FGF14: variants seen among roughly 807,000 people sequenced by gnomAD.
FGF14 encodes the protein fibroblast growth factor homologous factor 4.
FGF14 carries 5 observed loss-of-function variants against 25.5 expected under a neutral mutation model. The ratio of observed to expected loss-of-function variants is 0.20; its 90% confidence interval spans 0.10 to 0.41. The LOEUF (loss-of-function observed/expected upper bound fraction) is 0.41. Among genes scored for constraint, FGF14 ranks in the 10% least tolerant of loss-of-function variants. FGF14 has a pLI of 1.00. For synonymous variants in FGF14, 138 were observed against 118.3 expected (o/e 1.17, Z -1.08); for missense variants, 222 against 320.1 (o/e 0.69, Z 2.34).
chr13:102,272,486 C>T (rs2053297077), intron 1 of FGF14, among the ~76,000 whole-genome samples: 1 of 152,148 alleles, frequency 6.6e-6, no homozygotes, highest in Non-Finnish European at 1.5e-5. Flanking sequence ...TGGCACAAAG[C>T]AGGTGCAAAG....
chr13:102,095,278 C>A (rs971224626), intron 1 of FGF14, among the ~76,000 whole-genome samples: 6 of 152,012 alleles, frequency 3.9e-5, no homozygotes, highest in African/African-American at 1.4e-4. Context: ...AATGGACCGC[C>A]AGAGTAGAGA....
intron 1 of FGF14, among the ~76,000 whole-genome samples, chr13:102,216,558 A>G (rs2050380624): frequency 6.6e-6 from 1 of 152,208 alleles, no homozygotes; most frequent in Non-Finnish European, 1.5e-5. Context: ...AATTTTACAT[A>G]TATGTGGGGT....
intron 1 of FGF14, among the ~76,000 whole-genome samples, chr13:102,097,394 A>G (rs537579094): frequency 3.3e-5 from 5 of 151,296 alleles, no homozygotes; most frequent in African/African-American, 1.2e-4. Flanking sequence ...TGGGACAAAT[A>G]GTTTTCCAAT....
chr13:101,910,837 CGTGTGTGTGTGTGTGTGTGTGTGTGTGT>C (rs59758881), intron 1 of FGF14, among the ~76,000 whole-genome samples: 58 of 129,322 alleles, frequency 4.5e-4, no homozygotes, highest in Middle Eastern at 7.6e-3. Context: ...GATTTGGATT[CGTGTGTGTGTGTGTGTGTGTGTGTGTGT>C]GTGTGTGTGT....
chr13:102,166,350 TTTATA>T (rs1249367614), intron 1 of FGF14, among the ~76,000 whole-genome samples: 1 of 152,082 alleles, frequency 6.6e-6, no homozygotes, highest in East Asian at 1.9e-4. Flanking sequence ...TATTTTACAA[TTTATA>T]TTATAACCCC....
intron 1 of FGF14, among the ~76,000 whole-genome samples, chr13:102,074,381 C>G (rs757913239): frequency 6.6e-6 from 1 of 152,148 alleles, no homozygotes; most frequent in Non-Finnish European, 1.5e-5. Flanking sequence ...TTCTTTCACC[C>G]AACTCCCTAC....
intron 3 of FGF14, among the ~76,000 whole-genome samples, chr13:101,811,233 C>T (rs2140181632): frequency 6.6e-6 from 1 of 152,250 alleles, no homozygotes; most frequent in Middle Eastern, 3.4e-3. Flanking sequence ...AGAATATTTT[C>T]ACTGAAGTGA....
intron 3 of FGF14, among the ~76,000 whole-genome samples, chr13:101,764,023 T>G (rs1374095949): frequency 5.3e-5 from 8 of 152,156 alleles, no homozygotes; most frequent in Non-Finnish European, 8.8e-5. Context: ...GTAAGAAAGT[T>G]AACCTCCCCA....
chr13:101,931,163 C>T (rs1011609930), intron 1 of FGF14, among the ~76,000 whole-genome samples: 8 of 152,180 alleles, frequency 5.3e-5, no homozygotes, highest in African/African-American at 1.2e-4. Flanking sequence ...ACCTCACTGA[C>T]GTTGACCCAC....
rs76232752 is a variant in FGF14 at position 102,191,210 on chromosome 13, T to C, written c.208+210261A>G. ...TGGTAATTGCTTAATATCAGCTACC[T>C]GAGGCATCTATAAAATTTGGGCAAA... On this transcript the variant is annotated intron_variant, in intron 1 of 4. Transcript: ENST00000376131. Among the ~76,000 whole-genome samples the C allele has an allele frequency of 4.0e-3, 605 of 152,312 alleles. 4 individuals carry two copies. The highest frequency in any genetic ancestry group is 0.014 in the African/African-American group (579 of 41,570).
intron 1 of FGF14, among the ~76,000 whole-genome samples, chr13:102,263,874 A>C (rs1014928505): frequency 1.3e-5 from 2 of 152,166 alleles, no homozygotes; most frequent in Non-Finnish European, 2.9e-5. Context: ...AGGGGAAAAA[A>C]GTTGAGTGTC....
intron 1 of FGF14, among the ~76,000 whole-genome samples, chr13:102,122,148 ACT>A (rs1167084254): frequency 1.3e-5 from 2 of 152,066 alleles, no homozygotes; most frequent in Non-Finnish European, 2.9e-5. Flanking sequence ...TTATTCACAA[ACT>A]CACCCAAGAA....
chr13:102,200,101 T>C (rs896564930), intron 1 of FGF14, among the ~76,000 whole-genome samples: 1 of 152,186 alleles, frequency 6.6e-6, no homozygotes, highest in East Asian at 1.9e-4. Flanking sequence ...ATCTGCCGCA[T>C]AGAGTTGCTA....
At chr13:102,230,788 C>T (rs890090650) in intron 1 of FGF14, among the ~76,000 whole-genome samples, 1 of 152,030 alleles carries the variant, frequency 6.6e-6, no homozygotes, top group Non-Finnish European at 1.5e-5. Flanking sequence ...TGCCATAATA[C>T]CTGTAAAGAG....
At chr13:101,756,976 C>T (rs1030109711) in intron 3 of FGF14, among the ~76,000 whole-genome samples, 5 of 151,982 alleles carry the variant, frequency 3.3e-5, no homozygotes, top group Non-Finnish European at 7.4e-5. Flanking sequence ...ATTTTAAGTA[C>T]TACAAAAAAA....
At chr13:102,137,105 G>T (rs1432959077) in intron 1 of FGF14, among the ~76,000 whole-genome samples, 4 of 152,140 alleles carry the variant, frequency 2.6e-5, no homozygotes, top group African/African-American at 9.7e-5. Context: ...GCTTCATTAT[G>T]CTCTTAAACA....
At chr13:102,289,639 T>G (rs944869637) in intron 1 of FGF14, among the ~76,000 whole-genome samples, 1 of 152,154 alleles carries the variant, frequency 6.6e-6, no homozygotes, top group African/African-American at 2.4e-5. Context: ...CGAAAACCAG[T>G]AGGAGGTAGG....
intron 1 of FGF14, among the ~76,000 whole-genome samples, chr13:102,092,641 AAT>A (rs984902868): frequency 5.3e-5 from 8 of 152,330 alleles, no homozygotes; most frequent in African/African-American, 1.7e-4. Context: ...TTTTACAATC[AAT>A]ATATGTTAAT....
intron 1 of FGF14, among the ~76,000 whole-genome samples, chr13:102,306,222 A>G (rs1326265118): frequency 2.0e-5 from 3 of 152,194 alleles, no homozygotes; most frequent in Non-Finnish European, 4.4e-5. Context: ...TCTTCTAATC[A>G]GTACACTGGA....
Sources: allele counts gnomAD v4.1 joint callset (sites outside exome capture counted in the v4.1 genomes callset), GRCh38; gene constraint gnomAD v4.1.1; transcripts MANE v1.5; gene names NCBI Gene and HGNC (gene_info 2026-07-23, HGNC 2026-07-21).